TYW1B: variants seen among roughly 807,000 people sequenced by gnomAD.
TYW1B encodes the protein tRNA-yW synthesizing protein 1 homolog B.
A neutral mutation model predicts 86.9 loss-of-function variants in TYW1B; 73 were observed. That is an observed-to-expected ratio of 0.84 (90% CI 0.70 to 1.02). The LOEUF (loss-of-function observed/expected upper bound fraction) is 1.02, where lower values mean the gene tolerates loss of function less well. Among genes scored for constraint, TYW1B ranks in the 50% least tolerant of loss-of-function variants. TYW1B has a pLI of 0.00. For synonymous variants in TYW1B, 248 were observed against 292.8 expected, an observed-to-expected ratio of 0.85 and a Z score of 1.56; for missense variants, 637 against 827.4, an observed-to-expected ratio of 0.77 and a Z score of 2.82.
At chr7:72,637,328 AG>A (rs1230256986) in intron 11 of TYW1B, among the ~76,000 whole-genome samples, 1 of 151,778 alleles carries the variant, frequency 6.6e-6, no homozygotes, top group African/African-American at 2.4e-5. Flanking sequence ...AACAATTATA[AG>A]TCCATGTAGA....
At chr7:72,672,613 G>A (rs1813636463) in intron 11 of TYW1B, among the ~76,000 whole-genome samples, 1 of 152,048 alleles carries the variant, frequency 6.6e-6, no homozygotes, top group African/African-American at 2.4e-5. Flanking sequence ...AGTACTCGAG[G>A]GATGTAGGAA....
At chr7:72,745,848 AGGGGTG>A (rs1563079943) in intron 7 of TYW1B, among the ~76,000 whole-genome samples, 1 of 59,584 alleles carries the variant, frequency 1.7e-5, no homozygotes, top group South Asian at 8.1e-4. Context: ...ACACGTGTAT[AGGGGTG>A]TGTGTGTGTG....
intron 6 of TYW1B, among the ~76,000 whole-genome samples, chr7:72,796,815 G>C (rs1205770704): frequency 6.6e-6 from 1 of 151,194 alleles, no homozygotes; most frequent in Non-Finnish European, 1.5e-5. Flanking sequence ...GATTATTTCT[G>C]GGTCTGCGGC....
chr7:72,682,428 A>C (rs1156293986), intron 11 of TYW1B, among the ~76,000 whole-genome samples: 1 of 152,220 alleles, frequency 6.6e-6, no homozygotes, highest in African/African-American at 2.4e-5. Flanking sequence ...CTGGGCTAGG[A>C]AAGAACCAGA....
intron 11 of TYW1B, among the ~76,000 whole-genome samples, chr7:72,670,378 A>AGG (rs2129569682): frequency 6.6e-6 from 1 of 152,238 alleles, no homozygotes; most frequent in Admixed American, 6.5e-5. Flanking sequence ...TTTAGTAGAG[A>AGG]GGGGGTTTCC....
chr7:72,611,998 C>T (rs1250341809), intron 13 of TYW1B, among the ~76,000 whole-genome samples: 2 of 151,996 alleles, frequency 1.3e-5, no homozygotes, highest in African/African-American at 4.8e-5. Flanking sequence ...TTTTTCCTTC[C>T]TTCTTTCCTT....
At chr7:72,689,196 A>G (rs183720998) in intron 11 of TYW1B, among the ~76,000 whole-genome samples, 24 of 152,294 alleles carry the variant, frequency 1.6e-4, no homozygotes, top group African/African-American at 5.5e-4. Flanking sequence ...CAAATAGGTC[A>G]ATAAGAAGGG....
At chr7:72,593,927 C>T (rs1398521221) in intron 13 of TYW1B, among the ~76,000 whole-genome samples, 1 of 148,364 alleles carries the variant, frequency 6.7e-6, no homozygotes, top group Non-Finnish European at 1.5e-5. Context: ...ACCAATGGAT[C>T]ACAGAAGAAA....
chr7:72,709,761 T>C (rs1459430396), intron 10 of TYW1B, among the ~76,000 whole-genome samples: 1 of 152,246 alleles, frequency 6.6e-6, no homozygotes, highest in Non-Finnish European at 1.5e-5. Context: ...CCATCCACTT[T>C]TTAAACTCTC....
chr7:72,715,459 T>C (rs1289776733), intron 9 of TYW1B, among the ~76,000 whole-genome samples: 1 of 152,174 alleles, frequency 6.6e-6, no homozygotes, highest in Non-Finnish European at 1.5e-5. Context: ...TTAAGAGATA[T>C]GCTGTCCTAA....
At chr7:72,818,647 C>T (rs7807423) in intron 2 of TYW1B, among the ~76,000 whole-genome samples, 14 of 145,026 alleles carry the variant, frequency 9.7e-5, no homozygotes, top group Admixed American at 2.1e-4. Flanking sequence ...AAAAAAAAGA[C>T]GTTTAATTGG....
chr7:72,825,028 G>A (rs1247003585), intron 2 of TYW1B, among the ~76,000 whole-genome samples: 2 of 150,464 alleles, frequency 1.3e-5, no homozygotes, highest in Non-Finnish European at 3.0e-5. Flanking sequence ...CCTTGAGCCC[G>A]AGAGGCAGAG....
chr7:72,716,631 C>CTGTTGTTGTTGTTGTTGTTGTTGT (rs138304885), intron 9 of TYW1B, among the ~76,000 whole-genome samples: 2 of 149,062 alleles, frequency 1.3e-5, no homozygotes, highest in African/African-American at 5.0e-5. Flanking sequence ...GGGGCTGTGG[C>CTGTTGTTGTTGTTGTTGTTGTTGT]TGTTGTTGTT....
At chr7:72,635,120 T>A (rs1298628850) in intron 11 of TYW1B, among the ~76,000 whole-genome samples, 1 of 152,142 alleles carries the variant, frequency 6.6e-6, no homozygotes, top group Non-Finnish European at 1.5e-5. Flanking sequence ...ATATTGCCAC[T>A]CACATTTGTG....
intron 13 of TYW1B, among the ~76,000 whole-genome samples, chr7:72,579,658 C>CT (rs1369374785): frequency 1.3e-5 from 2 of 151,864 alleles, no homozygotes; most frequent in South Asian, 2.1e-4. Flanking sequence ...CTTCTTCTTC[C>CT]TTTTTTTTAA....
At chr7:72,652,458 CTA>C (rs1483572235) in intron 11 of TYW1B, among the ~76,000 whole-genome samples, 2 of 139,298 alleles carry the variant, frequency 1.4e-5, no homozygotes, top group African/African-American at 5.2e-5. Flanking sequence ...AAAAAATTAA[CTA>C]TTACTACATA....
intron 13 of TYW1B, among the ~76,000 whole-genome samples, chr7:72,591,870 AGT>A (rs782314482): frequency 9.2e-5 from 14 of 151,546 alleles, no homozygotes; most frequent in Non-Finnish European, 1.9e-4. Context: ...CCCAGACTAG[AGT>A]GTGTGTAGTG....
At chr7:72,629,526 G>A (rs1350484780) in intron 11 of TYW1B, among the ~76,000 whole-genome samples, 6 of 152,118 alleles carry the variant, frequency 3.9e-5, no homozygotes, top group Non-Finnish European at 7.4e-5. Context: ...ATAACCACAA[G>A]AGGGACTGGC....
chr7:72,641,864 T>G, intron 11 of TYW1B, among the ~76,000 whole-genome samples: 1 of 152,230 alleles, frequency 6.6e-6, no homozygotes, highest in East Asian at 1.9e-4. Flanking sequence ...CTGCCTGTTT[T>G]GCAGGCTTTA....
Sources: gnomAD v4.1 joint callset for allele counts (sites outside exome capture counted in the v4.1 genomes callset) on GRCh38, gnomAD v4.1.1 for gene constraint, MANE v1.5 for transcripts, NCBI Gene and HGNC (gene_info 2026-07-23, HGNC 2026-07-21) for gene names.